The following EPHA3 variants were observed in gnomAD, a reference collection of about 807,000 sequenced individuals.
The protein encoded by EPHA3 is EPH receptor A3.
Under a neutral mutation model 107.1 loss-of-function variants are expected in EPHA3, and 42 were observed. The ratio of observed to expected loss-of-function variants is 0.39; its 90% CI spans 0.31 to 0.51. The LOEUF is 0.51. Among genes scored for constraint, EPHA3 ranks in the 20% least tolerant of loss-of-function variants. The pLI is 0.78. For synonymous variants in EPHA3, 461 were observed against 424.8 expected, an observed-to-expected ratio of 1.09 and a Z score of -1.05; for missense variants, 1,183 against 1,211.2, an observed-to-expected ratio of 0.98 and a Z score of 0.35.
chr3:89,334,330 C>T (rs564462441), intron 3 of EPHA3, among the ~76,000 whole-genome samples: 14 of 152,268 alleles, frequency 9.2e-5, no homozygotes, highest in South Asian at 8.3e-4. Context: ...GAAAGAATTT[C>T]ATTTCCTTGT....
At chr3:89,391,350 T>A (rs9844966) in intron 5 of EPHA3, among the ~76,000 whole-genome samples, 2,790 of 151,872 alleles carry the variant, frequency 0.018, 85 homozygotes, top group African/African-American at 0.063. Context: ...TCCCTCTTAG[T>A]CTTAACTATT....
intron 1 of EPHA3, among the ~76,000 whole-genome samples, chr3:89,112,580 A>C (rs1707137619): frequency 6.6e-6 from 1 of 151,966 alleles, no homozygotes; most frequent in African/African-American, 2.4e-5. Flanking sequence ...ACTTTTGCAA[A>C]TGATTTTTAA....
intron 3 of EPHA3, among the ~76,000 whole-genome samples, chr3:89,223,685 G>A (rs1174077706): frequency 2.0e-5 from 3 of 152,096 alleles, no homozygotes; most frequent in African/African-American, 4.8e-5. Context: ...AAATGATGGC[G>A]TGACTTGACT....
Position 89,481,037 on chromosome 3 carries a change from A to G in EPHA3, c.*1535A>G, listed in dbSNP as rs1710612586. On this transcript the variant is annotated 3_prime_UTR_variant, in exon 17 of 17. Transcript: ENST00000336596. ...GTACCTGGTGGATATCTAGCTAGTA[A>G]TATATTCTGAAGCAACATTTTAGCT... is the stretch of plus-strand genomic sequence containing the variant. 4.3e-6 allele frequency: 1 copy of G among 231,682 alleles called. No homozygotes were observed. The highest frequency in any genetic ancestry group is 5.6e-5 in the Admixed American group (1 of 17,746). 14.4% of individuals were successfully genotyped at this position (231,682 alleles called of 1,614,324 possible).
intron 13 of EPHA3, among the ~76,000 whole-genome samples, chr3:89,443,870 A>T (rs1430411727): frequency 6.6e-6 from 1 of 152,188 alleles, no homozygotes; most frequent in Non-Finnish European, 1.5e-5. Context: ...AAGAGTTTAC[A>T]TTTGACCAAG....
chr3:89,190,688 A>C (rs1705693281), intron 2 of EPHA3, among the ~76,000 whole-genome samples: 1 of 152,180 alleles, frequency 6.6e-6, no homozygotes, highest in African/African-American at 2.4e-5. Flanking sequence ...TATTCTGTGA[A>C]TATCTTCTCT....
chr3:89,393,244 G>A (rs1266703203), intron 5 of EPHA3, among the ~76,000 whole-genome samples: 1 of 152,110 alleles, frequency 6.6e-6, no homozygotes, highest in Non-Finnish European at 1.5e-5. Context: ...AAGTAAGTGT[G>A]GAATTACAAA....
chr3:89,431,019 T>C, intron 12 of EPHA3, 131 bp from the exon 13 acceptor site: 1 of 826,858 alleles, frequency 1.2e-6, no homozygotes, highest in South Asian at 1.8e-5. Flanking sequence ...TATCTTTGTC[T>C]TGAGTGCTTA....
chr3:89,393,069 G>T (rs1473643812), intron 5 of EPHA3, among the ~76,000 whole-genome samples: 1 of 151,996 alleles, frequency 6.6e-6, no homozygotes, highest in Non-Finnish European at 1.5e-5. Context: ...AAAGTACCGG[G>T]CTTCCAGCTG....
chr3:89,168,194 C>T (rs1251533400), intron 2 of EPHA3, among the ~76,000 whole-genome samples: 1 of 152,074 alleles, frequency 6.6e-6, no homozygotes, highest in Non-Finnish European at 1.5e-5. Context: ...TTTTGGCTTG[C>T]CTGATTTGTC....
intron 11 of EPHA3, among the ~76,000 whole-genome samples, chr3:89,425,541 C>T (rs1211820945): frequency 6.6e-6 from 1 of 150,958 alleles, no homozygotes; most frequent in Non-Finnish European, 1.5e-5. Context: ...GTGTTAGACC[C>T]AATGACTGTT....
chr3:89,287,474 T>C (rs1706116181), intron 3 of EPHA3, among the ~76,000 whole-genome samples: 1 of 152,034 alleles, frequency 6.6e-6, no homozygotes, highest in African/African-American at 2.4e-5. Context: ...TCTACGAGGT[T>C]TGGAGATTTT....
intron 11 of EPHA3, among the ~76,000 whole-genome samples, chr3:89,428,865 C>G (rs1709506675): frequency 6.6e-6 from 1 of 152,056 alleles, no homozygotes. Flanking sequence ...GCCTGTCAAA[C>G]CAATTTAGAT....
intron 5 of EPHA3, among the ~76,000 whole-genome samples, chr3:89,364,138 T>G (rs1708146305): frequency 6.6e-6 from 1 of 150,856 alleles, no homozygotes; most frequent in South Asian, 2.1e-4. Flanking sequence ...AAGACAGTCT[T>G]CACTACACTG....
rs1387202984 is a variant in EPHA3, at chr3:89,419,350, C to T, written c.2034C>T (p.Asp678=). Residue 678 remains aspartate, a synonymous_variant, in exon 11 of 17, where the codon GAC becomes GAT. Coordinates refer to ENST00000336596, the MANE Select transcript of EPHA3 (RefSeq NM_005233.6). ...AAGCAAGCATTATGGGACAGTTTGA[C>T]CACCCCAATATCATTCGACTGGAAG... ...LGEASIMGQF[D]HPNIIRLEGV... is the part of the protein sequence containing the mutation. The T allele has an allele frequency of 1.2e-6, 2 of 1,609,194 alleles. No individual in the cohort carries two copies. The highest frequency in any genetic ancestry group is 1.3e-5 in the African/African-American group (1 of 74,584).
At chr3:89,405,911 T>A (rs1709047607) in intron 7 of EPHA3, among the ~76,000 whole-genome samples, 1 of 152,188 alleles carries the variant, frequency 6.6e-6, no homozygotes, top group Non-Finnish European at 1.5e-5. Context: ...AGATTCTAAA[T>A]GGCTTTTACA....
intron 3 of EPHA3, among the ~76,000 whole-genome samples, chr3:89,267,226 A>G (rs3946805): frequency 0.24 from 36,860 of 152,032 alleles, 4,919 homozygotes; most frequent in African/African-American, 0.38. Context: ...CCATTATAAA[A>G]GTTATAGTAT....
intron 3 of EPHA3, among the ~76,000 whole-genome samples, chr3:89,265,266 A>G (rs1313469932): frequency 2.0e-5 from 3 of 152,158 alleles, no homozygotes; most frequent in Admixed American, 1.3e-4. Context: ...AGAGCATAGC[A>G]TTTATTTAGA....
At chr3:89,301,718 C>T (rs1452591959) in intron 3 of EPHA3, among the ~76,000 whole-genome samples, 1 of 152,050 alleles carries the variant, frequency 6.6e-6, no homozygotes, top group African/African-American at 2.4e-5. Context: ...GCAATCCTGA[C>T]CTCTTTCACA....
Sources: allele counts gnomAD v4.1 joint callset (sites outside exome capture counted in the v4.1 genomes callset), GRCh38; gene constraint gnomAD v4.1.1; transcripts MANE v1.5; gene names NCBI Gene and HGNC (gene_info 2026-07-23, HGNC 2026-07-21).